The following NRF1 variants were observed in gnomAD, a reference collection of about 807,000 sequenced individuals.
NRF1 encodes nuclear respiratory factor 1.
Under a neutral mutation model 58.5 loss-of-function variants are expected in NRF1, and 5 were observed. The observed-to-expected ratio is 0.09, with a 90% CI of 0.04 to 0.18. The LOEUF is 0.18. Among genes scored for constraint, NRF1 ranks in the 10% least tolerant of loss-of-function variants. The probability of loss-of-function intolerance (pLI) is 1.00; values close to 1 mark genes in which losing one functional copy is unlikely to be tolerated. For synonymous variants in NRF1, 224 were observed against 246.7 expected (o/e 0.91, Z 0.86); for missense variants, 288 against 657.7 (o/e 0.44, Z 6.15).
At position 129,711,532 on chromosome 7, in the gene NRF1, G is replaced by A. The variant is rs1289727703; in HGVS notation, c.1021G>A (p.Val341Ile). 6.2e-7 allele frequency: 1 copy of A among 1,612,608 alleles called. No homozygotes were observed. Among genetic ancestry groups the A allele is most frequent in the Non-Finnish European group, 8.5e-7 (1 of 1,179,424 alleles). The change falls in exon 8 of 11, where the codon GTC becomes ATC. Residue 341 changes from valine (V) to isoleucine (I), a missense_variant. By Grantham distance (29) the Val-to-Ile change is conservative (BLOSUM62 3). This residue lies in a region of NRF1 where 212 missense variants were observed against 559.7 expected (regional missense o/e 0.38). Coordinates refer to ENST00000393232, the MANE Select transcript of NRF1 (RefSeq NM_005011.5). Reference protein sequence around the residue: ...LADASELPTTVTVAQVNYSAV... With the variant: ...LADASELPTTITVAQVNYSAV... ...TGATGCTTCAGAATTGCCAACCACG[G>A]TCACCGTTGCCCAAGTGAATTATTC...
intron 1 of NRF1, among the ~76,000 whole-genome samples, chr7:129,654,711 C>G (rs1386366148): frequency 6.6e-6 from 1 of 152,194 alleles, no homozygotes; most frequent in African/African-American, 2.4e-5. Flanking sequence ...ATTGAAAAGA[C>G]TAACTTTGCC....
At chr7:129,624,063 G>A (rs1361040119) in intron 1 of NRF1, among the ~76,000 whole-genome samples, 2 of 152,116 alleles carry the variant, frequency 1.3e-5, no homozygotes, top group African/African-American at 4.8e-5. Context: ...AGATGGTATG[G>A]TATTTTCCAT....
chr7:129,682,550 AAT>A (rs997419757), intron 4 of NRF1, among the ~76,000 whole-genome samples: 1 of 151,658 alleles, frequency 6.6e-6, no homozygotes, highest in Non-Finnish European at 1.5e-5. Context: ...TATAAACAAG[AAT>A]ATAGAGATCT....
chr7:129,661,404 A>T (rs1801777350), intron 2 of NRF1, among the ~76,000 whole-genome samples: 1 of 151,202 alleles, frequency 6.6e-6, no homozygotes, highest in South Asian at 2.1e-4. Flanking sequence ...CAAATTTTCC[A>T]AACTTTCATG....
intron 10 of NRF1, among the ~76,000 whole-genome samples, chr7:129,740,579 C>A (rs116741324): frequency 0.015 from 2,275 of 152,258 alleles, 68 homozygotes; most frequent in African/African-American, 0.052. Flanking sequence ...CTCAGGCATA[C>A]CCCCCGTAGC....
intron 2 of NRF1, among the ~76,000 whole-genome samples, chr7:129,660,064 T>G (rs1801746480): frequency 6.6e-6 from 1 of 152,198 alleles, no homozygotes; most frequent in Non-Finnish European, 1.5e-5. Context: ...CTTACATGGA[T>G]GACAGCAGGC....
intron 4 of NRF1, among the ~76,000 whole-genome samples, chr7:129,679,996 T>C (rs1802270793): frequency 6.6e-6 from 1 of 151,580 alleles, no homozygotes; most frequent in Non-Finnish European, 1.5e-5. Flanking sequence ...AGGCAGAGGT[T>C]GCAGTGAGCC....
intron 1 of NRF1, among the ~76,000 whole-genome samples, chr7:129,656,270 A>T (rs185792502): frequency 9.8e-5 from 15 of 152,318 alleles, no homozygotes; most frequent in Admixed American, 3.3e-4. Flanking sequence ...GCATATAATA[A>T]AGTATTATGC....
intron 9 of NRF1, among the ~76,000 whole-genome samples, chr7:129,721,036 A>G (rs1183700878): frequency 6.6e-6 from 1 of 151,826 alleles, no homozygotes; most frequent in Non-Finnish European, 1.5e-5. Context: ...ATGTATATAA[A>G]AAATAGCTTA....
intron 10 of NRF1, among the ~76,000 whole-genome samples, chr7:129,747,373 T>G (rs759043876): frequency 5.9e-5 from 9 of 152,210 alleles, no homozygotes; most frequent in Non-Finnish European, 1.2e-4. Context: ...TTTACATCTT[T>G]GAAGGCCTTT....
intron 10 of NRF1, among the ~76,000 whole-genome samples, chr7:129,752,517 C>T (rs995920809): frequency 1.3e-5 from 2 of 151,710 alleles, no homozygotes; most frequent in Non-Finnish European, 2.9e-5. Flanking sequence ...TTTTAAAAAC[C>T]ATGGAATTTA....
At chr7:129,662,562 T>C (rs1801810275) in intron 2 of NRF1, among the ~76,000 whole-genome samples, 1 of 152,126 alleles carries the variant, frequency 6.6e-6, no homozygotes, top group Non-Finnish European at 1.5e-5. Context: ...TCACGTTGGC[T>C]CTTTTCTTGG....
At chr7:129,722,560 G>A (rs1474335250) in intron 9 of NRF1, among the ~76,000 whole-genome samples, 2 of 152,040 alleles carry the variant, frequency 1.3e-5, no homozygotes, top group Non-Finnish European at 2.9e-5. Flanking sequence ...ATAATTAATC[G>A]TACTGATCTG....
intron 3 of NRF1, among the ~76,000 whole-genome samples, chr7:129,676,682 G>A (rs1802187189): frequency 6.6e-6 from 1 of 152,164 alleles, no homozygotes; most frequent in Admixed American, 6.5e-5. Flanking sequence ...AATATTGCTA[G>A]AGTTACCAAA....
chr7:129,742,461 C>T (rs1451974279), intron 10 of NRF1, among the ~76,000 whole-genome samples: 5 of 152,128 alleles, frequency 3.3e-5, no homozygotes, highest in Non-Finnish European at 7.4e-5. Flanking sequence ...AGCCCATCCT[C>T]TCCTTATTCC....
intron 8 of NRF1, among the ~76,000 whole-genome samples, chr7:129,712,147 C>CATT (rs397796643): frequency 2.0e-5 from 3 of 151,634 alleles, no homozygotes; most frequent in African/African-American, 7.3e-5. Context: ...GTTCTGTTAT[C>CATT]TTCACTTTAG....
intron 1 of NRF1, among the ~76,000 whole-genome samples, chr7:129,642,036 TGGCACAACCTC>T (rs1209767144): frequency 1.3e-5 from 2 of 151,574 alleles, no homozygotes; most frequent in Non-Finnish European, 2.9e-5. Flanking sequence ...TGGAGTGCAG[TGGCACAACCTC>T]GGCTCACTGC....
intron 3 of NRF1, among the ~76,000 whole-genome samples, chr7:129,673,088 G>C (rs576232750): frequency 2.6e-5 from 4 of 152,302 alleles, no homozygotes; most frequent in Middle Eastern, 6.8e-3. Flanking sequence ...TCAGGAAGGA[G>C]AGCATGTGAT....
intron 1 of NRF1, among the ~76,000 whole-genome samples, chr7:129,656,058 A>G (rs916471307): frequency 8.5e-5 from 13 of 152,056 alleles, no homozygotes; most frequent in Admixed American, 3.3e-4. Context: ...TAAAGCTGCT[A>G]TGAACATGGG....
Sources: gnomAD v4.1 joint callset for allele counts (sites outside exome capture counted in the v4.1 genomes callset) on GRCh38, gnomAD v4.1.1 for gene constraint, gnomAD v4.1.1 regional missense constraint, MANE v1.5 for transcripts, NCBI Gene and HGNC (gene_info 2026-07-23, HGNC 2026-07-21) for gene names.